ERBB4: variants seen among roughly 807,000 people sequenced by gnomAD.
ERBB4 encodes receptor tyrosine-protein kinase erbB-4.
Under a neutral mutation model 158.0 loss-of-function variants are expected in ERBB4, and 42 were observed. The observed-to-expected ratio is 0.27, with a 90% CI of 0.21 to 0.34. ERBB4 has a LOEUF of 0.34. ERBB4 is among the 10% of genes least tolerant of loss of function. The pLI, the probability that ERBB4 is intolerant of heterozygous loss-of-function variation, is 1.00. For synonymous variants in ERBB4, 583 were observed against 558.7 expected, an observed-to-expected ratio of 1.04 and a Z score of -0.61; for missense variants, 1,333 against 1,624.1, an observed-to-expected ratio of 0.82 and a Z score of 3.08.
intron 1 of ERBB4, among the ~76,000 whole-genome samples, chr2:212,340,123 C>T (rs1476495382): frequency 1.3e-5 from 2 of 151,532 alleles, no homozygotes; most frequent in African/African-American, 4.8e-5. Flanking sequence ...GAATCTTCAA[C>T]CTCACAGGCT....
chr2:211,559,391 T>A (rs2067324439), intron 20 of ERBB4, among the ~76,000 whole-genome samples: 1 of 152,180 alleles, frequency 6.6e-6, no homozygotes, highest in African/African-American at 2.4e-5. Context: ...AAAATAAAAT[T>A]CAAATTTTTC....
intron 1 of ERBB4, among the ~76,000 whole-genome samples, chr2:212,233,025 C>T (rs1344718824): frequency 6.6e-6 from 1 of 152,042 alleles, no homozygotes; most frequent in Non-Finnish European, 1.5e-5. Context: ...ATTGAAAAGT[C>T]CACAAATATT....
chr2:211,449,418 G>A (rs1488830289), intron 20 of ERBB4, among the ~76,000 whole-genome samples: 1 of 152,102 alleles, frequency 6.6e-6, no homozygotes, highest in Non-Finnish European at 1.5e-5. Flanking sequence ...ATTAAATTAG[G>A]AAATGGTTAT....
chr2:212,036,761 C>T (rs568173153), intron 2 of ERBB4, among the ~76,000 whole-genome samples: 1 of 152,050 alleles, frequency 6.6e-6, no homozygotes, highest in East Asian at 1.9e-4. Flanking sequence ...ACCGCATGCC[C>T]GGCCAAATAC....
rs143803968 is a variant in ERBB4, at chr2:211,899,260, G to T, written c.421+48170C>A. ...TCACATTTCATCTGATGTACTTGTT[G>T]AAATGACTATAGAATTCATGGTTTA... On this transcript the variant is annotated intron_variant, in intron 3 of 27. Transcript: ENST00000342788. Among the ~76,000 whole-genome samples the T allele has an allele frequency of 3.4e-3, 522 of 152,102 alleles. 3 individuals are homozygous for T. The highest frequency in any genetic ancestry group is 0.012 in the African/African-American group (497 of 41,522).
chr2:212,212,876 C>T (rs535486402), intron 1 of ERBB4, among the ~76,000 whole-genome samples: 7 of 151,846 alleles, frequency 4.6e-5, no homozygotes, highest in African/African-American at 1.7e-4. Flanking sequence ...TACAGAAAAC[C>T]GAAACTGGAC....
chr2:212,249,128 G>A (rs929840677), intron 1 of ERBB4, among the ~76,000 whole-genome samples: 5 of 151,938 alleles, frequency 3.3e-5, no homozygotes, highest in African/African-American at 1.2e-4. Context: ...TCACTGACTT[G>A]GCTTATTGTT....
intron 3 of ERBB4, among the ~76,000 whole-genome samples, chr2:211,905,647 C>CATATATATATATATATATAT (rs56758130): frequency 1.4e-5 from 1 of 71,446 alleles, no homozygotes; most frequent in African/African-American, 5.2e-5. Context: ...TAGGAAGGAT[C>CATATATATATATATATATAT]ATATATATAT....
At chr2:212,421,947 C>T (rs2091801697) in intron 1 of ERBB4, among the ~76,000 whole-genome samples, 1 of 152,084 alleles carries the variant, frequency 6.6e-6, no homozygotes, top group Non-Finnish European at 1.5e-5. Context: ...TCAAAGTTTG[C>T]ATTAAGAAGA....
Position 211,380,874 on chromosome 2 carries a change from A to ATT in ERBB4, c.*2739_*2740dup, listed in dbSNP as rs1489254160. 2 of 231,796 alleles carry ATT rather than the reference A, an allele frequency of 8.6e-6. No individual in the cohort carries two copies. Among genetic ancestry groups the ATT allele is most frequent in the East Asian group, 1.2e-4 (2 of 16,404 alleles). 14.4% of individuals were successfully genotyped at this position (231,796 alleles called of 1,614,324 possible). A position where few individuals can be genotyped will look rare whatever the true frequency, so the allele number is the denominator to read the frequency against. On this transcript the variant is annotated 3_prime_UTR_variant, in exon 28 of 28. Coordinates refer to ENST00000342788, the MANE Select transcript of ERBB4 (RefSeq NM_005235.3). ...AGTTAAAAGTTTGTTTTAACTATTCATTTTTTCCTTCTCCAAAATGAGTGA... is the reference window on the plus strand; with the variant it reads ...AGTTAAAAGTTTGTTTTAACTATTCATTTTTTTTCCTTCTCCAAAATGAGTGA...
At chr2:211,800,474 G>GAAAAC (rs1040684050) in intron 3 of ERBB4, among the ~76,000 whole-genome samples, 2 of 151,900 alleles carry the variant, frequency 1.3e-5, no homozygotes, top group African/African-American at 4.8e-5. Flanking sequence ...AATCTAAATG[G>GAAAAC]AAAACAAAAC....
intron 20 of ERBB4, among the ~76,000 whole-genome samples, chr2:211,513,372 A>AC (rs1410869984): frequency 8.2e-6 from 1 of 122,154 alleles, no homozygotes; most frequent in Non-Finnish European, 1.7e-5. Flanking sequence ...AAAAAAAAAA[A>AC]AAAACAAAAA....
chr2:212,252,352 G>C (rs2084570235), intron 1 of ERBB4, among the ~76,000 whole-genome samples: 1 of 152,064 alleles, frequency 6.6e-6, no homozygotes, highest in Admixed American at 6.6e-5. Flanking sequence ...AGGAATTTTG[G>C]TGTCATGAAA....
At chr2:212,096,675 T>C (rs928834613) in intron 2 of ERBB4, among the ~76,000 whole-genome samples, 2 of 152,218 alleles carry the variant, frequency 1.3e-5, no homozygotes, top group Non-Finnish European at 2.9e-5. Flanking sequence ...TGCAGGTTCA[T>C]GATTTAGCAT....
At chr2:211,928,756 T>G (rs369923729) in intron 3 of ERBB4, among the ~76,000 whole-genome samples, 8 of 152,302 alleles carry the variant, frequency 5.3e-5, no homozygotes, top group African/African-American at 1.9e-4. Context: ...AGTAATTACT[T>G]GAGTCACTTA....
At chr2:212,378,784 A>G (rs1207128332) in intron 1 of ERBB4, among the ~76,000 whole-genome samples, 1 of 151,892 alleles carries the variant, frequency 6.6e-6, no homozygotes, top group Admixed American at 6.6e-5. Flanking sequence ...TATCATATGC[A>G]TTACCAATGT....
At position 212,074,091 on chromosome 2, in the gene ERBB4, A is replaced by T. The variant is rs76209098; in HGVS notation, c.234+50661T>A. ...ATGTACATTCTACTGAAGGTGAAGCATGAGTCAAATAGTGTAGGCAAAAAT... is the reference window on the plus strand; with the variant it reads ...ATGTACATTCTACTGAAGGTGAAGCTTGAGTCAAATAGTGTAGGCAAAAAT... On this transcript the variant is annotated intron_variant, in intron 2 of 27. Coordinates refer to ENST00000342788, the MANE Select transcript of ERBB4 (RefSeq NM_005235.3). Among the ~76,000 whole-genome samples, 1,290 of 152,160 alleles carry T rather than the reference A, an allele frequency of 8.5e-3. 16 individuals are homozygous for T. The highest frequency in any genetic ancestry group is 0.028 in the African/African-American group (1,175 of 41,556).
chr2:212,517,763 A>C (rs761052606), intron 1 of ERBB4, among the ~76,000 whole-genome samples: 3 of 152,078 alleles, frequency 2.0e-5, no homozygotes, highest in Non-Finnish European at 4.4e-5. Flanking sequence ...TTTAATGAAA[A>C]AAGTTATATA....
At chr2:211,972,955 C>G (rs1242720660) in intron 2 of ERBB4, among the ~76,000 whole-genome samples, 1 of 152,082 alleles carries the variant, frequency 6.6e-6, no homozygotes, top group Non-Finnish European at 1.5e-5. Context: ...AAACTATCAA[C>G]AGAGTAAACC....
Sources: gnomAD v4.1 joint callset for allele counts (sites outside exome capture counted in the v4.1 genomes callset) on GRCh38, gnomAD v4.1.1 for gene constraint, MANE v1.5 for transcripts, NCBI Gene and HGNC (gene_info 2026-07-23, HGNC 2026-07-21) for gene names.